Variants in MCPH1 observed in about 807,000 individuals in gnomAD.
MCPH1 encodes the protein microcephalin 1.
Under a neutral mutation model 84.5 loss-of-function variants are expected in MCPH1, and 104 were observed. That is an observed-to-expected ratio of 1.23 (90% CI 1.05 to 1.45). The LOEUF (loss-of-function observed/expected upper bound fraction) is 1.45. Ranked by LOEUF, MCPH1 falls within the 40% of genes most tolerant of loss-of-function variation. MCPH1 has a pLI of 0.00. For missense variants in MCPH1, 1,498 were observed against 1,005.7 expected (o/e 1.49, Z -6.62); for synonymous variants, 514 against 366.8 (o/e 1.40, Z -4.58).
chr8:6,559,915 T>C (rs907392272), intron 12 of MCPH1, among the ~76,000 whole-genome samples: 2 of 152,212 alleles, frequency 1.3e-5, no homozygotes, highest in Non-Finnish European at 2.9e-5. Context: ...TCCTGTATTG[T>C]TCCATTCATA....
At chr8:6,419,509 C>T (rs1194823288) in intron 3 of MCPH1, among the ~76,000 whole-genome samples, 3 of 152,014 alleles carry the variant, frequency 2.0e-5, no homozygotes, top group East Asian at 1.9e-4. Context: ...TCTCCTGCCT[C>T]AGCCTCCCGA....
At chr8:6,504,155 A>G (rs1164080040) in intron 12 of MCPH1, among the ~76,000 whole-genome samples, 1 of 151,890 alleles carries the variant, frequency 6.6e-6, no homozygotes. Context: ...CGTCTCTACT[A>G]AAAATACAAA....
At chr8:6,442,763 G>T (rs1803707530) in intron 7 of MCPH1, among the ~76,000 whole-genome samples, 1 of 152,202 alleles carries the variant, frequency 6.6e-6, no homozygotes, top group African/African-American at 2.4e-5. Flanking sequence ...GCTCAAGTAA[G>T]TAGCAGTGAT....
intron 13 of MCPH1, among the ~76,000 whole-genome samples, chr8:6,622,653 C>T (rs1831584368): frequency 1.3e-5 from 2 of 152,182 alleles, no homozygotes; most frequent in East Asian, 1.9e-4. Flanking sequence ...GATGGGGTAT[C>T]GGCAGCGTTG....
chr8:6,434,934 G>C (rs1470517193), intron 4 of MCPH1, among the ~76,000 whole-genome samples: 1 of 152,198 alleles, frequency 6.6e-6, no homozygotes, highest in Non-Finnish European at 1.5e-5. Flanking sequence ...TGATGGCTGG[G>C]CTAAAGACGG....
Position 6,445,286 on chromosome 8 carries a change from G to A in MCPH1, c.1564G>A (p.Gly522Arg). ...TGGGAAAGAAGACGCATGCCCAGAGGGAAATGGCTTTTCTTACACCATTGA... is the reference window on the plus strand; with the variant it reads ...TGGGAAAGAAGACGCATGCCCAGAGAGAAATGGCTTTTCTTACACCATTGA... Reference protein sequence around the residue: ...QAGKEDACPEGNGFSYTIEDP... With the variant: ...QAGKEDACPERNGFSYTIEDP... Residue 522 changes from glycine to arginine, a missense_variant, in exon 8 of 14, where the codon GGA (glycine) becomes AGA (arginine). By Grantham distance (125) the Gly-to-Arg change is moderately radical. Coordinates refer to ENST00000344683, the MANE Select transcript of MCPH1 (RefSeq NM_024596.5). The A allele has an allele frequency of 6.2e-7, 1 of 1,614,204 alleles. No homozygotes were observed. The highest frequency in any genetic ancestry group is 8.5e-7 in the Non-Finnish European group (1 of 1,180,042).
intron 12 of MCPH1, among the ~76,000 whole-genome samples, chr8:6,505,303 G>T (rs577230343): frequency 8.3e-4 from 21 of 25,308 alleles, no homozygotes; most frequent in African/African-American, 1.0e-3. Context: ...ACATATATAT[G>T]TATATAACAT....
At chr8:6,477,282 G>A (rs553454422) in intron 9 of MCPH1, 1 of 334,358 alleles carries the variant, frequency 3.0e-6, no homozygotes, top group Non-Finnish European at 5.5e-6. Context: ...ACTTTGAAGT[G>A]CATGAAGACG....
chr8:6,466,883 A>G (rs755303804), intron 9 of MCPH1, among the ~76,000 whole-genome samples: 1 of 152,326 alleles, frequency 6.6e-6, no homozygotes, highest in Admixed American at 6.5e-5. Flanking sequence ...GCCCTCAATT[A>G]TATTTATTTC....
chr8:6,480,208 C>T (rs2129559713), intron 10 of MCPH1, among the ~76,000 whole-genome samples: 1 of 151,800 alleles, frequency 6.6e-6, no homozygotes, highest in East Asian at 1.9e-4. Context: ...ACTGCAACCT[C>T]CACCTCCCGG....
intron 12 of MCPH1, among the ~76,000 whole-genome samples, chr8:6,597,506 A>G (rs1487387153): frequency 6.6e-6 from 1 of 152,138 alleles, no homozygotes; most frequent in East Asian, 1.9e-4. Flanking sequence ...AAAATAAAAG[A>G]CAACAAACAG....
intron 13 of MCPH1, chr8:6,626,412 G>T (rs1377415001): frequency 1.0e-6 from 1 of 983,378 alleles, no homozygotes; most frequent in African/African-American, 1.8e-5. Flanking sequence ...CTTGGGCCAA[G>T]ATTCTTGATG....
intron 12 of MCPH1, among the ~76,000 whole-genome samples, chr8:6,526,724 G>C (rs1393949526): frequency 6.6e-6 from 1 of 152,116 alleles, no homozygotes; most frequent in Non-Finnish European, 1.5e-5. Flanking sequence ...TATTTAAATT[G>C]TGAAATAGGA....
intron 13 of MCPH1, among the ~76,000 whole-genome samples, chr8:6,639,625 T>C (rs1797791151): frequency 6.6e-6 from 1 of 150,680 alleles, no homozygotes; most frequent in Non-Finnish European, 1.5e-5. Context: ...ATCATACCAC[T>C]GCACTCCAGT....
intron 9 of MCPH1, among the ~76,000 whole-genome samples, chr8:6,458,161 A>G (rs1440261119): frequency 6.6e-6 from 1 of 152,182 alleles, no homozygotes; most frequent in Admixed American, 6.6e-5. Flanking sequence ...CTCTAAAATT[A>G]AAGACCAAGG....
At chr8:6,490,105 G>T (rs189632906) in intron 11 of MCPH1, among the ~76,000 whole-genome samples, 1 of 151,812 alleles carries the variant, frequency 6.6e-6, no homozygotes, top group East Asian at 1.9e-4. Context: ...AGACCTCCAG[G>T]ACGTCAACTT....
In MCPH1 at chr8:6,409,278, G is replaced by T. The variant is rs1269068071; in HGVS notation, c.23-1G>T. ...GTTTCATGTTCATATCTTGTTTTCA[G>T]ATGTAGTGGCCTATGTTGAAGTGTG... On this transcript the variant is annotated splice_acceptor_variant, in intron 1 of 13. Transcript: ENST00000344683. LOFTEE classifies it high-confidence loss of function. The T allele has an allele frequency of 6.2e-7, 1 of 1,609,984 alleles. No individual in the cohort carries two copies.
chr8:6,621,246 C>T (rs866522206), intron 12 of MCPH1: 24 of 614,532 alleles, frequency 3.9e-5, no homozygotes, highest in South Asian at 2.0e-4. Context: ...TGGAGTTTTA[C>T]GCATGGCTAC....
At chr8:6,579,338 C>T (rs978305018) in intron 12 of MCPH1, among the ~76,000 whole-genome samples, 4 of 152,156 alleles carry the variant, frequency 2.6e-5, no homozygotes, top group African/African-American at 9.7e-5. Flanking sequence ...AGAAAGATTG[C>T]TTTAGTGAAT....
Sources: gnomAD v4.1 joint callset for allele counts (sites outside exome capture counted in the v4.1 genomes callset) on GRCh38, gnomAD v4.1.1 for gene constraint, MANE v1.5 for transcripts, NCBI Gene and HGNC (gene_info 2026-07-23, HGNC 2026-07-21) for gene names.